Variants in COL22A1 observed in about 807,000 individuals in gnomAD.
COL22A1 encodes collagen type XXII alpha 1 chain.
A neutral mutation model predicts 248.9 loss-of-function variants in COL22A1; 221 were observed. The observed-to-expected ratio is 0.89, with a 90% confidence interval of 0.80 to 0.99. COL22A1 has a LOEUF of 0.99. Ranked by LOEUF, COL22A1 falls within the 50% of genes least tolerant of loss-of-function variation. The probability of loss-of-function intolerance (pLI) is 0.00; values close to 1 mark genes in which losing one functional copy is unlikely to be tolerated. For synonymous variants in COL22A1, 891 were observed against 793.4 expected (o/e 1.12, Z -2.07); for missense variants, 2,240 against 2,179.0 (o/e 1.03, Z -0.56).
chr8:138,619,559 T>G, intron 52 of COL22A1, 51 bp from the exon 53 acceptor site: 1 of 1,545,724 alleles, frequency 6.5e-7, no homozygotes, highest in Non-Finnish European at 8.9e-7. Flanking sequence ...GTAAGAATCT[T>G]CCTATTCCTG....
chr8:138,696,619 A>G (rs1339293830), intron 32 of COL22A1, among the ~76,000 whole-genome samples: 1 of 152,176 alleles, frequency 6.6e-6, no homozygotes, highest in Non-Finnish European at 1.5e-5. Context: ...CGGCAGTTGG[A>G]GACCACATGG....
chr8:138,856,012 A>C (rs923688398), intron 3 of COL22A1, among the ~76,000 whole-genome samples: 3 of 152,194 alleles, frequency 2.0e-5, no homozygotes, highest in African/African-American at 7.2e-5. Flanking sequence ...GGCAGGATGG[A>C]AGGAGCTCAG....
intron 13 of COL22A1, among the ~76,000 whole-genome samples, 159 bp from the exon 14 acceptor site, chr8:138,779,721 T>A (rs1453882266): frequency 6.6e-6 from 1 of 152,178 alleles, no homozygotes; most frequent in Non-Finnish European, 1.5e-5. Flanking sequence ...TCCCCTCAGA[T>A]GCTATTTCTA....
intron 1 of COL22A1, among the ~76,000 whole-genome samples, chr8:138,897,135 T>G (rs1457096735): frequency 6.6e-6 from 1 of 152,204 alleles, no homozygotes; most frequent in Non-Finnish European, 1.5e-5. Context: ...TCATTCATTT[T>G]TGAAGGTTAC....
At chr8:138,741,603 T>A (rs188820619) in intron 22 of COL22A1, among the ~76,000 whole-genome samples, 2 of 152,298 alleles carry the variant, frequency 1.3e-5, no homozygotes, top group African/African-American at 4.8e-5. Flanking sequence ...CAGAGAGTGA[T>A]GAGAATGAGG....
chr8:138,700,995 A>AG (rs1827919845), intron 31 of COL22A1, among the ~76,000 whole-genome samples: 1 of 150,740 alleles, frequency 6.6e-6, no homozygotes, highest in Non-Finnish European at 1.5e-5. Flanking sequence ...TCTCAAAAAA[A>AG]AAAAAAAAAA....
chr8:138,838,670 C>A (rs200529812), intron 4 of COL22A1, among the ~76,000 whole-genome samples: 129 of 133,774 alleles, frequency 9.6e-4, no homozygotes, highest in Admixed American at 1.9e-3. Context: ...CAAAGGGCAC[C>A]AAAAAAAAAA....
chr8:138,773,640 T>C (rs1195239718), intron 16 of COL22A1, among the ~76,000 whole-genome samples: 1 of 152,252 alleles, frequency 6.6e-6, no homozygotes, highest in East Asian at 1.9e-4. Context: ...ATATCCGCCA[T>C]GTGTTGGCAG....
chr8:138,709,766 C>T (rs1002860663), intron 30 of COL22A1, among the ~76,000 whole-genome samples: 15 of 152,060 alleles, frequency 9.9e-5, no homozygotes, highest in African/African-American at 3.4e-4. Context: ...TGCACATGTA[C>T]CCTAGAACTT....
chr8:138,715,780 G>T, intron 29 of COL22A1, 45 bp from the exon 30 acceptor site: 4 of 1,391,216 alleles, frequency 2.9e-6, no homozygotes, highest in Non-Finnish European at 4.0e-6. Context: ...CCCAAACCGA[G>T]CTGAATTCCT....
chr8:138,805,899 TGTA>T (rs1817560572), intron 10 of COL22A1, among the ~76,000 whole-genome samples: 1 of 144,590 alleles, frequency 6.9e-6, no homozygotes, highest in Non-Finnish European at 1.5e-5. Flanking sequence ...TGTATTATGG[TGTA>T]GGTGTGATGG....
intron 47 of COL22A1, among the ~76,000 whole-genome samples, chr8:138,641,395 C>T (rs1421413795): frequency 6.6e-6 from 1 of 152,124 alleles, no homozygotes; most frequent in East Asian, 1.9e-4. Flanking sequence ...AATAAAAACG[C>T]TTTTCGTAGG....
At chr8:138,618,532 C>T (rs573213720) in intron 53 of COL22A1, among the ~76,000 whole-genome samples, 13 of 152,128 alleles carry the variant, frequency 8.5e-5, no homozygotes, top group Admixed American at 1.3e-4. Context: ...CATAAGAGGT[C>T]GTATTCCTCA....
intron 3 of COL22A1, among the ~76,000 whole-genome samples, chr8:138,850,990 A>G (rs1002301215): frequency 2.0e-5 from 3 of 152,228 alleles, no homozygotes; most frequent in African/African-American, 7.2e-5. Flanking sequence ...GTGCAAACAC[A>G]TGAACACACA....
At chr8:138,778,647 T>C (rs1447969681) in intron 14 of COL22A1, among the ~76,000 whole-genome samples, 2 of 152,194 alleles carry the variant, frequency 1.3e-5, no homozygotes. Flanking sequence ...ACCCAGATTC[T>C]CTTGACTTCA....
chr8:138,828,778 C>T (rs1283878935), intron 5 of COL22A1, among the ~76,000 whole-genome samples: 1 of 152,038 alleles, frequency 6.6e-6, no homozygotes, highest in Non-Finnish European at 1.5e-5. Flanking sequence ...TTTTGATCCT[C>T]GTGCTATAAC....
chr8:138,792,504 C>G (rs1816152524), intron 12 of COL22A1, among the ~76,000 whole-genome samples: 1 of 152,216 alleles, frequency 6.6e-6, no homozygotes, highest in South Asian at 2.1e-4. Context: ...TTTCAAGGCT[C>G]TCATGCTTAC....
intron 64 of COL22A1, among the ~76,000 whole-genome samples, chr8:138,591,117 A>C (rs1405541396): frequency 6.6e-6 from 1 of 152,220 alleles, no homozygotes; most frequent in Non-Finnish European, 1.5e-5. Context: ...AGAGAAACAC[A>C]GTCCCCAGCA....
In COL22A1 at chr8:138,826,717, T is replaced by C; in HGVS notation, c.910A>G (p.Thr304Ala). 3 of 1,612,938 alleles carry C rather than the reference T, an allele frequency of 1.9e-6. No individual in the cohort carries two copies. The highest frequency in any genetic ancestry group is 2.5e-6 in the Non-Finnish European group (3 of 1,179,706). Residue 304 changes from threonine to alanine, a missense_variant, in exon 6 of 65, where the codon ACC (threonine) becomes GCC (alanine). Physicochemically the swap from Thr to Ala is moderately conservative, Grantham distance 58 (BLOSUM62 0). Coordinates refer to ENST00000303045, the MANE Select transcript of COL22A1 (RefSeq NM_152888.3). The stretch of plus-strand genomic sequence containing the variant: ...ATATACCAGTCTTCCTTCCGAGAGG[T>C]TTTCCTGAACCGGAAGGTTGTGACA... ...AFVTTFRFRK[T>A]SRKEDWYIWQ...
Sources: allele counts gnomAD v4.1 joint callset (sites outside exome capture counted in the v4.1 genomes callset), GRCh38; gene constraint gnomAD v4.1.1; transcripts MANE v1.5; gene names NCBI Gene and HGNC (gene_info 2026-07-23, HGNC 2026-07-21).